PTK7: variants seen among roughly 807,000 people sequenced by gnomAD.
PTK7 encodes the protein protein tyrosine kinase 7 (inactive).
Under a neutral mutation model 116.6 loss-of-function variants are expected in PTK7, and 39 were observed. The ratio of observed to expected loss-of-function variants is 0.33; its 90% confidence interval spans 0.26 to 0.44. The LOEUF (loss-of-function observed/expected upper bound fraction) is 0.44, where lower values mean the gene tolerates loss of function less well. Ranked by LOEUF, PTK7 falls within the 20% of genes least tolerant of loss-of-function variation. PTK7 has a pLI of 1.00. For synonymous variants in PTK7, 546 were observed against 563.6 expected (o/e 0.97, Z 0.44); for missense variants, 1,169 against 1,425.6 (o/e 0.82, Z 2.90).
At chr6:43,138,792 C>T in intron 7 of PTK7, 57 bp from the exon 8 acceptor site, 1 of 1,538,396 alleles carries the variant, frequency 6.5e-7, no homozygotes, top group South Asian at 1.3e-5. Flanking sequence ...GGAGATGGAT[C>T]CTTTAGTTTT....
chr6:43,110,405 C>T (rs1182187030), intron 1 of PTK7, among the ~76,000 whole-genome samples: 1 of 147,208 alleles, frequency 6.8e-6, no homozygotes, highest in African/African-American at 2.6e-5. Context: ...GTTGTTGTTG[C>T]TGTTTTGTTT....
rs572665120 is a variant in PTK7 at position 43,114,837 on chromosome 6, C to T, written c.80-14140C>T. The stretch of plus-strand genomic sequence containing the variant: ...GGCGGATTGCCTGAGGTCAGGAGTT[C>T]GAGACCAGCCTGGCCAACATGGTGA... On this transcript the variant is annotated intron_variant, in intron 1 of 19. Coordinates refer to ENST00000230419, the MANE Select transcript of PTK7 (RefSeq NM_002821.5). Among the ~76,000 whole-genome samples, 548 of 152,032 alleles carry T rather than the reference C, an allele frequency of 3.6e-3. 3 individuals carry two copies. The highest frequency in any genetic ancestry group is 5.3e-3 in the Non-Finnish European group (362 of 67,982).
intron 7 of PTK7, among the ~76,000 whole-genome samples, chr6:43,136,588 T>C (rs903221618): frequency 2.4e-4 from 37 of 152,124 alleles, no homozygotes; most frequent in African/African-American, 8.7e-4. Flanking sequence ...TCCAGTAGGC[T>C]AGCCAGGCTT....
intron 1 of PTK7, among the ~76,000 whole-genome samples, chr6:43,109,739 C>T (rs1324080694): frequency 6.6e-6 from 1 of 150,658 alleles, no homozygotes; most frequent in Non-Finnish European, 1.5e-5. Flanking sequence ...TGCTCTGTCA[C>T]CCAGGCAGGA....
intron 1 of PTK7, among the ~76,000 whole-genome samples, chr6:43,101,928 G>A (rs2150391316): frequency 6.6e-6 from 1 of 152,322 alleles, no homozygotes; most frequent in Admixed American, 6.5e-5. Flanking sequence ...GGGCGTGGTG[G>A]TTCACGCCTG....
intron 17 of PTK7, among the ~76,000 whole-genome samples, chr6:43,150,368 T>C (rs987167112): frequency 6.6e-6 from 1 of 152,232 alleles, no homozygotes; most frequent in Non-Finnish European, 1.5e-5. Flanking sequence ...GGCTATCTGA[T>C]GGCATCTTGC....
intron 1 of PTK7, among the ~76,000 whole-genome samples, chr6:43,120,282 GATGTCTCACACTGGGCACAA>G (rs1265030820): frequency 3.3e-5 from 5 of 152,208 alleles, no homozygotes; most frequent in African/African-American, 4.8e-5. Flanking sequence ...GGGGGGCACA[GATGTCTCACACTGGGCACAA>G]ATGTCTGCCC....
chr6:43,152,984 C>T (rs563274624), intron 17 of PTK7, among the ~76,000 whole-genome samples: 2 of 152,012 alleles, frequency 1.3e-5, no homozygotes, highest in South Asian at 4.2e-4. Flanking sequence ...TGGGGTTTCA[C>T]CACATTGGCC....
chr6:43,154,670 G>A (rs1269035257), intron 17 of PTK7, among the ~76,000 whole-genome samples: 5 of 152,178 alleles, frequency 3.3e-5, no homozygotes, highest in African/African-American at 1.2e-4. Context: ...GATGTCACTG[G>A]CCACTGCCCA....
intron 7 of PTK7, chr6:43,133,040 C>T: frequency 2.3e-6 from 1 of 437,686 alleles, no homozygotes; most frequent in Non-Finnish European, 4.0e-6. Flanking sequence ...TCTCCTCATC[C>T]ATAAAATGGA....
At chr6:43,133,792 G>T (rs1303356220) in intron 7 of PTK7, 3 of 152,120 alleles carry the variant, frequency 2.0e-5, no homozygotes, top group African/African-American at 7.2e-5. Context: ...TTCCGAGTGG[G>T]TAACTTTGCA....
intron 1 of PTK7, among the ~76,000 whole-genome samples, chr6:43,117,236 A>C (rs1034786226): frequency 6.6e-6 from 1 of 152,220 alleles, no homozygotes; most frequent in Non-Finnish European, 1.5e-5. Context: ...GAAGAGCAGG[A>C]TGTAGGAGAA....
At chr6:43,150,833 G>C (rs1250606849) in intron 17 of PTK7, among the ~76,000 whole-genome samples, 1 of 112,356 alleles carries the variant, frequency 8.9e-6, no homozygotes, top group Non-Finnish European at 1.7e-5. Flanking sequence ...ACAGAGTCTC[G>C]CTCTGTCTCT....
chr6:43,138,684 A>C, intron 7 of PTK7, 165 bp from the exon 8 acceptor site: 1 of 949,190 alleles, frequency 1.1e-6, no homozygotes, highest in Non-Finnish European at 1.5e-6. Flanking sequence ...ATTTTAAAAA[A>C]GGTGCTGGCA....
chr6:43,119,177 G>C (rs143915195), intron 1 of PTK7, among the ~76,000 whole-genome samples: 1 of 151,978 alleles, frequency 6.6e-6, no homozygotes, highest in African/African-American at 2.4e-5. Context: ...TGTAAAGGGC[G>C]TCCTCCTCAC....
Position 43,129,368 on chromosome 6 carries a change from G to A in PTK7, c.367+104G>A, listed in dbSNP as rs993442496. The A allele has an allele frequency of 1.3e-5, 18 of 1,378,808 alleles. No individual in the cohort carries two copies. The highest frequency in any genetic ancestry group is 1.8e-4 in the Middle Eastern group (1 of 5,474). The allele number at this position is 1,378,808 out of a possible 1,614,324, so 85.4% of individuals were successfully genotyped here. A position where few individuals can be genotyped will look rare whatever the true frequency, so the allele number is the denominator to read the frequency against. ...CAGCTTCTCCCATTTCCAGTTAAAC[G>A]GGCCAGGCAGAATGCATTTATCATC... On this transcript the variant is annotated intron_variant, in intron 2 of 19. Coordinates refer to ENST00000230419, the MANE Select transcript of PTK7 (RefSeq NM_002821.5). The surrounding 1 kb of genome is among the most constrained non-coding windows in gnomAD (Gnocchi z 4.5).
In PTK7 at chr6:43,117,121, CCCA is replaced by C. The variant is rs1454418386; in HGVS notation, c.80-11853_80-11851del. Among the ~76,000 whole-genome samples, 16 of 152,250 alleles carry C rather than the reference CCCA, an allele frequency of 1.1e-4. No homozygotes were observed. In the East Asian group the frequency reaches 3.1e-3, roughly 29 times the overall value. On this transcript the variant is annotated intron_variant, in intron 1 of 19. Coordinates refer to ENST00000230419, the MANE Select transcript of PTK7 (RefSeq NM_002821.5). ...TTACAATCAGGCGTGAGCCACCATGCCCACCGTAGACTTCAACTATGGACAGCT... is the reference window on the plus strand; with the variant it reads ...TTACAATCAGGCGTGAGCCACCATGCCCGTAGACTTCAACTATGGACAGCT...
intron 1 of PTK7, among the ~76,000 whole-genome samples, chr6:43,082,866 GATTTGTTAGGCAGA>G (rs1223807586): frequency 6.6e-6 from 1 of 152,210 alleles, no homozygotes; most frequent in Non-Finnish European, 1.5e-5. Context: ...GGAGAAACTG[GATTTGTTAGGCAGA>G]AATTTGGTCG....
chr6:43,125,458 C>G (rs1362828812), intron 1 of PTK7, among the ~76,000 whole-genome samples: 8 of 152,208 alleles, frequency 5.3e-5, no homozygotes, highest in Non-Finnish European at 1.0e-4. Context: ...CACGCTGTCT[C>G]TTCTCCCAGC....
Sources: gnomAD v4.1 joint callset for allele counts (sites outside exome capture counted in the v4.1 genomes callset) on GRCh38, gnomAD v4.1.1 for gene constraint, Gnocchi (gnomAD v3.1) non-coding constraint, MANE v1.5 for transcripts, NCBI Gene and HGNC (gene_info 2026-07-23, HGNC 2026-07-21) for gene names.